The following SCRG1 variants were observed in gnomAD, a reference collection of about 807,000 sequenced individuals.
SCRG1 encodes scrapie-responsive protein 1.
SCRG1 carries 3 observed loss-of-function variants against 7.7 expected under a neutral mutation model. The observed-to-expected ratio is 0.39, with a 90% CI of 0.18 to 1.01. The LOEUF (loss-of-function observed/expected upper bound fraction) is 1.01. Among genes scored for constraint, SCRG1 ranks in the 50% least tolerant of loss-of-function variants. SCRG1 has a pLI of 0.36. For missense variants in SCRG1, 110 were observed against 117.2 expected (o/e 0.94, Z 0.28); for synonymous variants, 46 against 41.2 (o/e 1.12, Z -0.44).
intron 1 of SCRG1, among the ~76,000 whole-genome samples, chr4:173,405,348 G>A (rs542693052): frequency 6.6e-6 from 1 of 152,140 alleles, no homozygotes; most frequent in Non-Finnish European, 1.5e-5. Flanking sequence ...GAACATACAG[G>A]TCAGGAACGT....
the SCRG1 span, among the ~76,000 whole-genome samples, chr4:173,492,164 A>G: frequency 6.6e-6 from 1 of 151,836 alleles, no homozygotes; most frequent in Non-Finnish European, 1.5e-5. Context: ...AAAGAGGACA[A>G]TATAAAATCA....
chr4:173,484,849 A>G, the SCRG1 span, among the ~76,000 whole-genome samples: 1 of 81,942 alleles, frequency 1.2e-5, no homozygotes, highest in Non-Finnish European at 2.1e-5. Flanking sequence ...TATATTATAT[A>G]TAATATATAT....
At chr4:173,484,410 A>ATATAATATATATTATATATTATATACC in the SCRG1 span, among the ~76,000 whole-genome samples, 9 of 73,276 alleles carry the variant, frequency 1.2e-4, no homozygotes, top group African/African-American at 5.3e-4. Context: ...TATTATATAC[A>ATATAATATATATTATATATTATATACC]TATAATATAT....
rs532031006 is a variant in SCRG1 at position 173,404,156 on chromosome 4, G to C, written c.-582C>G. The C allele has an allele frequency of 2.6e-5, 4 of 152,312 alleles. No individual in the cohort carries two copies. The South Asian group carries it at 8.3e-4, about 32-fold the overall frequency. 9.4% of individuals were successfully genotyped at this position (152,312 alleles called of 1,614,324 possible). A position where few individuals can be genotyped will look rare whatever the true frequency, so the allele number is the denominator to read the frequency against. ...GATCACACAGCTGATAAGTAGTGGA[G>C]CACAAACTGGAAACCAAGACAAAAC... is the stretch of plus-strand genomic sequence containing the variant. On this transcript the variant is annotated 5_prime_UTR_variant and NMD_transcript_variant, in exon 3 of 9. Transcript: ENST00000512188.
the SCRG1 span, among the ~76,000 whole-genome samples, chr4:173,482,905 A>T: frequency 7.2e-6 from 1 of 139,624 alleles, no homozygotes; most frequent in South Asian, 2.1e-4. Context: ...TATAATATAT[A>T]TTAAATATAT....
At chr4:173,505,677 T>A in the SCRG1 span, among the ~76,000 whole-genome samples, 18 of 152,258 alleles carry the variant, frequency 1.2e-4, no homozygotes, top group East Asian at 2.7e-3. This position sits in a 1 kb window ranked among gnomAD's most constrained non-coding sequence, Gnocchi z 4.4. Context: ...CTTCTGCAAA[T>A]TTTTCAAATC....
the SCRG1 span, among the ~76,000 whole-genome samples, chr4:173,437,273 C>G: frequency 6.6e-6 from 1 of 152,176 alleles, no homozygotes; most frequent in East Asian, 1.9e-4. Flanking sequence ...CATACACACA[C>G]ACACACGCAC....
chr4:173,395,022 G>A (rs35746517), intron 1 of SCRG1, among the ~76,000 whole-genome samples: 58,985 of 151,866 alleles, frequency 0.39, 13,185 homozygotes, highest in East Asian at 0.55. Flanking sequence ...TTCCATTATG[G>A]TCTTTCTATA....
At chr4:173,473,770 G>A in the SCRG1 span, among the ~76,000 whole-genome samples, 1 of 152,190 alleles carries the variant, frequency 6.6e-6, no homozygotes, top group Admixed American at 6.5e-5. Flanking sequence ...GCCTCACTCT[G>A]TTGTGCTAAA....
At chr4:173,496,880 G>A in the SCRG1 span, among the ~76,000 whole-genome samples, 5 of 152,156 alleles carry the variant, frequency 3.3e-5, no homozygotes, top group African/African-American at 1.2e-4. Flanking sequence ...GCTGAGGCAG[G>A]CGGATCACAA....
At chr4:173,499,344 T>C in the SCRG1 span, among the ~76,000 whole-genome samples, 2 of 152,294 alleles carry the variant, frequency 1.3e-5, no homozygotes, top group South Asian at 2.1e-4. The surrounding 1 kb of genome is among the most constrained non-coding windows in gnomAD (Gnocchi z 4.1). Context: ...AGAAGCAAAC[T>C]GCCTAAACTT....
chr4:173,441,882 AT>A, the SCRG1 span, among the ~76,000 whole-genome samples: 1 of 152,154 alleles, frequency 6.6e-6, no homozygotes, highest in Non-Finnish European at 1.5e-5. Flanking sequence ...CTGTCTCTCA[AT>A]TTAAAAAATA....
chr4:173,508,586 T>TAG, the SCRG1 span, among the ~76,000 whole-genome samples: 3 of 151,740 alleles, frequency 2.0e-5, no homozygotes, highest in Non-Finnish European at 4.4e-5. The surrounding 1 kb of genome is among the most constrained non-coding windows in gnomAD (Gnocchi z 4.4). Flanking sequence ...GCCACCGCGG[T>TAG]AGGTGGGTGC....
the SCRG1 span, among the ~76,000 whole-genome samples, chr4:173,490,103 A>G: frequency 6.6e-6 from 1 of 152,188 alleles, no homozygotes; most frequent in Non-Finnish European, 1.5e-5. Context: ...CAGTGCCTAG[A>G]AGTCTGACGA....
At chr4:173,488,499 TA>T in the SCRG1 span, among the ~76,000 whole-genome samples, 1 of 152,198 alleles carries the variant, frequency 6.6e-6, no homozygotes, top group Non-Finnish European at 1.5e-5. Context: ...TAGAGCGTTC[TA>T]AAATTCTAGT....
chr4:173,389,535 CAAAA>C (rs1739361300), intron 2 of SCRG1: 1 of 165,790 alleles, frequency 6.0e-6, no homozygotes, highest in Admixed American at 5.9e-5. Context: ...GATTCCGTCT[CAAAA>C]CAAACAAACA....
chr4:173,459,759 T>A, the SCRG1 span, among the ~76,000 whole-genome samples: 2 of 151,220 alleles, frequency 1.3e-5, no homozygotes, highest in African/African-American at 4.9e-5. Context: ...GGGAAGGGGG[T>A]TAGGAGGTTG....
chr4:173,390,058 T>G (rs947237980), intron 2 of SCRG1, among the ~76,000 whole-genome samples: 10 of 152,346 alleles, frequency 6.6e-5, no homozygotes, highest in African/African-American at 1.7e-4. Context: ...TTGTTTGTTT[T>G]TTTGAGATTA....
At chr4:173,514,385 T>A in the SCRG1 span, among the ~76,000 whole-genome samples, 2 of 152,204 alleles carry the variant, frequency 1.3e-5, no homozygotes, top group African/African-American at 4.8e-5. Flanking sequence ...TTGTTGTTGT[T>A]ACTAAGAGGA....
Sources: allele counts gnomAD v4.1 joint callset (sites outside exome capture counted in the v4.1 genomes callset), GRCh38; gene constraint gnomAD v4.1.1; non-coding constraint Gnocchi (gnomAD v3.1); transcripts MANE v1.5; gene names NCBI Gene and HGNC (gene_info 2026-07-23, HGNC 2026-07-21).